The following RUNX1 variants were observed in gnomAD, a reference collection of about 807,000 sequenced individuals.
RUNX1 encodes the protein runt-related transcription factor 1.
In RUNX1, 19 loss-of-function variants were observed where a neutral mutation model predicts 42.8. The ratio of observed to expected loss-of-function variants is 0.44; its 90% confidence interval spans 0.31 to 0.65. RUNX1 has a LOEUF of 0.65. RUNX1 is among the 30% of genes least tolerant of loss of function. The pLI is 0.07. For missense variants in RUNX1, 528 were observed against 672.0 expected (o/e 0.79, Z 2.37); for synonymous variants, 271 against 289.4 (o/e 0.94, Z 0.64).
At chr21:34,900,679 C>A (rs185390178) in intron 2 of RUNX1, among the ~76,000 whole-genome samples, 1 of 152,234 alleles carries the variant, frequency 6.6e-6, no homozygotes, top group Non-Finnish European at 1.5e-5. Context: ...TTCCACTTAA[C>A]ATTCACCAGT....
chr21:34,858,090 C>G lies in RUNX1; in HGVS notation c.613+1384G>C, dbSNP rs139351253. On this transcript the variant is annotated intron_variant, in intron 6 of 8. Coordinates refer to ENST00000675419, the MANE Select transcript of RUNX1 (RefSeq NM_001754.5). Reference sequence around the variant, plus strand: ...GACGAGGAACACCATATCCTGGTGGCCTGCCCCTGGTGGGCATGGTGATTA... The same window carrying G: ...GACGAGGAACACCATATCCTGGTGGGCTGCCCCTGGTGGGCATGGTGATTA... Among the ~76,000 whole-genome samples, 986 of 152,290 alleles carry G rather than the reference C, an allele frequency of 6.5e-3. 10 individuals carry two copies. Among genetic ancestry groups the G allele is most frequent in the African/African-American group, 0.022 (923 of 41,548 alleles).
At chr21:34,965,789 CCG>C in intron 2 of RUNX1, among the ~76,000 whole-genome samples, 1 of 152,204 alleles carries the variant, frequency 6.6e-6, no homozygotes, top group Admixed American at 6.5e-5. Flanking sequence ...TAGGGCATTT[CCG>C]AATCAAGTAT....
At chr21:34,943,950 T>C (rs555244999) in intron 2 of RUNX1, among the ~76,000 whole-genome samples, 1 of 151,974 alleles carries the variant, frequency 6.6e-6, no homozygotes, top group African/African-American at 2.4e-5. Context: ...TTTAATAGCG[T>C]AGGAAGAAAA....
At chr21:35,007,607 G>C (rs1472216359) in intron 2 of RUNX1, among the ~76,000 whole-genome samples, 2 of 152,032 alleles carry the variant, frequency 1.3e-5, no homozygotes, top group African/African-American at 4.8e-5. Flanking sequence ...AGCCCTTTTG[G>C]GTACCAGAGT....
chr21:35,004,792 C>T (rs1253810787), intron 2 of RUNX1, among the ~76,000 whole-genome samples: 1 of 152,162 alleles, frequency 6.6e-6, no homozygotes, highest in Non-Finnish European at 1.5e-5. Flanking sequence ...CAGACCTTCC[C>T]TTGTTGTCTG....
At chr21:34,821,357 A>G (rs918045683) in intron 7 of RUNX1, 37 of 1,207,472 alleles carry the variant, frequency 3.1e-5, no homozygotes, top group Non-Finnish European at 3.8e-5. Context: ...TGATAAAAAT[A>G]TATCTCAAAG....
chr21:35,038,503 C>T (rs1266961568), intron 2 of RUNX1: 2 of 455,476 alleles, frequency 4.4e-6, no homozygotes, highest in East Asian at 1.4e-4. Flanking sequence ...GAGAAAGCTT[C>T]CTTGAATTCA....
intron 2 of RUNX1, among the ~76,000 whole-genome samples, chr21:34,986,116 G>A (rs560103952): frequency 7.2e-5 from 11 of 152,014 alleles, no homozygotes; most frequent in South Asian, 2.1e-4. Context: ...AAGGGATCCC[G>A]CCTCAGCCTC....
chr21:34,813,745 A>G (rs914476218), intron 7 of RUNX1, among the ~76,000 whole-genome samples: 3 of 152,032 alleles, frequency 2.0e-5, no homozygotes, highest in African/African-American at 7.2e-5. Flanking sequence ...GTAACTAGAT[A>G]ATGACGCAAA....
chr21:34,868,139 G>C (rs1489132407), intron 5 of RUNX1, among the ~76,000 whole-genome samples: 2 of 152,204 alleles, frequency 1.3e-5, no homozygotes, highest in Non-Finnish European at 2.9e-5. Flanking sequence ...TGTGGAGGTA[G>C]AGAGGGAAGA....
At chr21:34,886,718 C>T in intron 4 of RUNX1, 125 bp downstream of exon 4, 4 of 1,470,138 alleles carry the variant, frequency 2.7e-6, no homozygotes, top group African/African-American at 2.8e-5. Flanking sequence ...CTAGGAAGAC[C>T]GACCCGGGGC....
intron 5 of RUNX1, among the ~76,000 whole-genome samples, chr21:34,873,576 T>C (rs1282519562): frequency 6.6e-6 from 1 of 152,204 alleles, no homozygotes; most frequent in Non-Finnish European, 1.5e-5. Flanking sequence ...GCATTTTCAG[T>C]CTAGCAGCAG....
intron 5 of RUNX1, among the ~76,000 whole-genome samples, chr21:34,870,718 G>C (rs1286158464): frequency 1.3e-5 from 2 of 152,174 alleles, no homozygotes; most frequent in African/African-American, 4.8e-5. Context: ...CCAGCACTTT[G>C]GGAGGCCGAG....
At chr21:34,969,109 G>T (rs2058741537) in intron 2 of RUNX1, among the ~76,000 whole-genome samples, 1 of 152,304 alleles carries the variant, frequency 6.6e-6, no homozygotes, top group South Asian at 2.1e-4. Context: ...ACAGGCCTCT[G>T]TCTGCTTAAT....
rs543098631 is a variant in RUNX1 at position 34,973,951 on chromosome 21, T to C, written c.58+74891A>G. On this transcript the variant is annotated intron_variant, in intron 2 of 8. Coordinates refer to ENST00000675419, the MANE Select transcript of RUNX1 (RefSeq NM_001754.5). ...ACAAGTGCACTCTTCTAGCCCACTT[T>C]GCCTTTATTATCTCAATATTTCTGA... Among the ~76,000 whole-genome samples the C allele has an allele frequency of 7.9e-5, 12 of 152,304 alleles. 1 individual carries two copies. In the South Asian group the frequency reaches 2.5e-3, roughly 32 times the overall value.
chr21:34,821,720 G>A, intron 7 of RUNX1: 1 of 1,548,474 alleles, frequency 6.5e-7, no homozygotes, highest in Non-Finnish European at 8.8e-7. Context: ...GTGTGACCAG[G>A]GAGAAAGTTC....
chr21:35,011,360 T>C (rs1322076923), intron 2 of RUNX1, among the ~76,000 whole-genome samples: 1 of 151,936 alleles, frequency 6.6e-6, no homozygotes, highest in African/African-American at 2.4e-5. Flanking sequence ...AAGCCCCAGC[T>C]CCGGGGCAGT....
chr21:34,889,721 C>T (rs1299890292), intron 3 of RUNX1: 1 of 1,187,354 alleles, frequency 8.4e-7, no homozygotes, highest in South Asian at 1.8e-5. Context: ...CGCCGGTCCC[C>T]GCGGTGCTGC....
chr21:34,791,123 G>A lies in RUNX1; in HGVS notation c.*1012C>T, dbSNP rs55767668. 0.015 allele frequency: 3,552 copies of A among 233,562 alleles called. 43 individuals are homozygous for A. The highest frequency in any genetic ancestry group is 0.04 in the Admixed American group (719 of 17,794). The allele number at this position is 233,562 out of a possible 1,614,324, so 14.5% of individuals were successfully genotyped here. ...AGTGTCTAAAAATCCTATTAAAAAC[G>A]TTGCTGCGTGAGCTACTCACTTGTT... On this transcript the variant is annotated 3_prime_UTR_variant, in exon 9 of 9. Coordinates refer to ENST00000675419, the MANE Select transcript of RUNX1 (RefSeq NM_001754.5).
Sources: allele counts gnomAD v4.1 joint callset (sites outside exome capture counted in the v4.1 genomes callset), GRCh38; gene constraint gnomAD v4.1.1; transcripts MANE v1.5; gene names NCBI Gene and HGNC (gene_info 2026-07-23, HGNC 2026-07-21).